The following CDK14 variants were observed in gnomAD, a reference collection of about 807,000 sequenced individuals.
CDK14 encodes the protein cyclin-dependent kinase 14.
A neutral mutation model predicts 60.7 loss-of-function variants in CDK14; 34 were observed. That is an observed-to-expected ratio of 0.56 (90% CI 0.43 to 0.75). The LOEUF is 0.75. Among genes scored for constraint, CDK14 ranks in the 30% least tolerant of loss-of-function variants. The probability of loss-of-function intolerance (pLI) is 0.00; values close to 1 mark genes in which losing one functional copy is unlikely to be tolerated. For missense variants in CDK14, 482 were observed against 564.1 expected (o/e 0.85, Z 1.47); for synonymous variants, 197 against 203.7 (o/e 0.97, Z 0.28).
At chr7:91,065,578 T>C (rs1170867139) in intron 11 of CDK14, among the ~76,000 whole-genome samples, 2 of 152,252 alleles carry the variant, frequency 1.3e-5, no homozygotes, top group Non-Finnish European at 2.9e-5. Flanking sequence ...TAAAATATCT[T>C]GATCAGAGTG....
chr7:90,637,367 T>G (rs1476522047), intron 2 of CDK14, among the ~76,000 whole-genome samples: 2 of 152,152 alleles, frequency 1.3e-5, no homozygotes, highest in African/African-American at 4.8e-5. Flanking sequence ...AGAACATCTT[T>G]ATTTCTGCCT....
chr7:91,063,259 G>A (rs1365701471), intron 11 of CDK14, among the ~76,000 whole-genome samples: 3 of 152,052 alleles, frequency 2.0e-5, no homozygotes, highest in Admixed American at 2.0e-4. Context: ...GCATGACTAT[G>A]GAATAATAAC....
intron 4 of CDK14, among the ~76,000 whole-genome samples, chr7:90,787,684 TA>T (rs1805656885): frequency 6.6e-6 from 1 of 152,162 alleles, no homozygotes; most frequent in Non-Finnish European, 1.5e-5. Flanking sequence ...ACTTATGGTG[TA>T]GTATATATTT....
intron 14 of CDK14, among the ~76,000 whole-genome samples, chr7:91,190,222 A>G (rs1562988664): frequency 1.3e-5 from 2 of 152,262 alleles, no homozygotes; most frequent in Non-Finnish European, 1.5e-5. Flanking sequence ...CCTCATCTTC[A>G]CAAGGTGCTT....
intron 8 of CDK14, among the ~76,000 whole-genome samples, chr7:90,949,195 G>GT (rs1554387872): frequency 2.0e-5 from 3 of 151,340 alleles, no homozygotes; most frequent in African/African-American, 7.3e-5. Flanking sequence ...TTTTTTATTT[G>GT]TTTGTTTTGT....
chr7:90,933,611 A>G (rs958679365), intron 8 of CDK14, among the ~76,000 whole-genome samples: 3 of 152,242 alleles, frequency 2.0e-5, no homozygotes, highest in African/African-American at 7.2e-5. Flanking sequence ...TTTATATAGA[A>G]TGGCAGACCA....
At chr7:90,697,233 T>G (rs1318121836) in intron 2 of CDK14, among the ~76,000 whole-genome samples, 1 of 152,194 alleles carries the variant, frequency 6.6e-6, no homozygotes, top group Non-Finnish European at 1.5e-5. Flanking sequence ...TTTATTCCCC[T>G]TTTCTTCTTT....
intron 3 of CDK14, among the ~76,000 whole-genome samples, chr7:90,732,026 T>G (rs1802886757): frequency 1.3e-5 from 2 of 152,146 alleles, no homozygotes; most frequent in South Asian, 4.1e-4. Flanking sequence ...CAATACCTAG[T>G]TTCTTGAGAG....
intron 4 of CDK14, among the ~76,000 whole-genome samples, chr7:90,755,249 G>C (rs374521800): frequency 6.6e-6 from 1 of 152,202 alleles, no homozygotes; most frequent in African/African-American, 2.4e-5. Flanking sequence ...TTAAAAAAAT[G>C]TGGTACATAT....
At chr7:91,108,457 G>A (rs981596748) in intron 12 of CDK14, among the ~76,000 whole-genome samples, 3 of 152,160 alleles carry the variant, frequency 2.0e-5, no homozygotes, top group African/African-American at 7.2e-5. Context: ...AAGGAATATA[G>A]AGATATTGGG....
intron 5 of CDK14, among the ~76,000 whole-genome samples, chr7:90,848,148 C>T (rs1790528151): frequency 6.6e-6 from 1 of 152,070 alleles, no homozygotes; most frequent in South Asian, 2.1e-4. Context: ...GTCGCCCAGG[C>T]TGAAGTGCGG....
At chr7:91,042,751 C>G (rs562059929) in intron 10 of CDK14, among the ~76,000 whole-genome samples, 1 of 152,240 alleles carries the variant, frequency 6.6e-6, no homozygotes, top group South Asian at 2.1e-4. Context: ...CTTTTTGTTT[C>G]ATTTGCAAAA....
At chr7:91,196,070 C>T (rs1364798124) in intron 14 of CDK14, among the ~76,000 whole-genome samples, 1 of 152,238 alleles carries the variant, frequency 6.6e-6, no homozygotes, top group Non-Finnish European at 1.5e-5. Context: ...AGTGGCACCT[C>T]TAGGATAGCA....
At chr7:91,094,860 A>G (rs975894795) in intron 12 of CDK14, among the ~76,000 whole-genome samples, 1 of 152,172 alleles carries the variant, frequency 6.6e-6, no homozygotes, top group African/African-American at 2.4e-5. Flanking sequence ...CCCCACATCC[A>G]CAACCCACTT....
At chr7:90,819,980 C>A (rs1482722437) in intron 5 of CDK14, among the ~76,000 whole-genome samples, 2 of 152,116 alleles carry the variant, frequency 1.3e-5, no homozygotes, top group African/African-American at 4.8e-5. Context: ...TTTGCTACTA[C>A]CACTGAACAA....
At chr7:91,175,919 G>C (rs1232062480) in intron 14 of CDK14, among the ~76,000 whole-genome samples, 1 of 149,926 alleles carries the variant, frequency 6.7e-6, no homozygotes, top group Admixed American at 6.7e-5. Context: ...AAGTCAACAA[G>C]GATACCCAGG....
intron 5 of CDK14, among the ~76,000 whole-genome samples, chr7:90,834,014 G>A (rs1481528819): frequency 1.3e-5 from 2 of 152,174 alleles, no homozygotes; most frequent in African/African-American, 4.8e-5. Flanking sequence ...ATAAAAGGCT[G>A]TTCTGGCAGT....
intron 10 of CDK14, among the ~76,000 whole-genome samples, chr7:91,019,669 A>C (rs1287745166): frequency 6.6e-6 from 1 of 152,138 alleles, no homozygotes; most frequent in East Asian, 1.9e-4. Context: ...TATTTTATCA[A>C]AATTATGATA....
intron 10 of CDK14, among the ~76,000 whole-genome samples, chr7:91,011,774 T>A (rs1471969036): frequency 6.6e-6 from 1 of 152,150 alleles, no homozygotes; most frequent in Non-Finnish European, 1.5e-5. Flanking sequence ...ATTGTAGGTT[T>A]TATCTCTAAA....
Sources: allele counts gnomAD v4.1 joint callset (sites outside exome capture counted in the v4.1 genomes callset), GRCh38; gene constraint gnomAD v4.1.1; transcripts MANE v1.5; gene names NCBI Gene and HGNC (gene_info 2026-07-23, HGNC 2026-07-21).